Variants in LRP1B observed in about 807,000 individuals in gnomAD.
LRP1B encodes the protein low-density lipoprotein receptor-related protein 1B.
A neutral mutation model predicts 556.6 loss-of-function variants in LRP1B; 217 were observed. The observed-to-expected ratio is 0.39, with a 90% CI of 0.35 to 0.44. LRP1B has a LOEUF of 0.44. Ranked by LOEUF, LRP1B falls within the 20% of genes least tolerant of loss-of-function variation. LRP1B has a pLI of 1.00. For missense variants in LRP1B, 5,053 were observed against 5,620.8 expected, an observed-to-expected ratio of 0.90 and a Z score of 3.23; for synonymous variants, 2,047 against 1,865.8, an observed-to-expected ratio of 1.10 and a Z score of -2.50.
At chr2:141,524,772 A>G (rs62167936) in intron 2 of LRP1B, among the ~76,000 whole-genome samples, 6,557 of 152,030 alleles carry the variant, frequency 0.043, 203 homozygotes, top group Non-Finnish European at 0.066. Context: ...AGAAAGAGAG[A>G]GAGAGACAGA....
chr2:140,340,375 CTGG>C (rs531510842), intron 77 of LRP1B, among the ~76,000 whole-genome samples: 286 of 151,636 alleles, frequency 1.9e-3, no homozygotes, highest in African/African-American at 6.8e-3. Context: ...ATTATCCATT[CTGG>C]GTAAGTGTGC....
intron 31 of LRP1B, among the ~76,000 whole-genome samples, chr2:140,835,700 G>A (rs1691876511): frequency 6.6e-6 from 1 of 152,010 alleles, no homozygotes; most frequent in African/African-American, 2.4e-5. Context: ...ACCACGTCTG[G>A]CTAATGTTTT....
intron 2 of LRP1B, among the ~76,000 whole-genome samples, chr2:141,537,008 G>C (rs1396381864): frequency 6.7e-6 from 1 of 150,278 alleles, no homozygotes; most frequent in Non-Finnish European, 1.5e-5. Flanking sequence ...GAAAAGAATA[G>C]GAAAAAGGAA....
chr2:141,583,668 A>T (rs908005673), intron 2 of LRP1B, among the ~76,000 whole-genome samples: 1 of 151,722 alleles, frequency 6.6e-6, no homozygotes, highest in African/African-American at 2.4e-5. Context: ...AAACTATGAA[A>T]TGATATGTAT....
At chr2:142,067,309 G>A (rs547471389) in intron 1 of LRP1B, among the ~76,000 whole-genome samples, 71 of 151,232 alleles carry the variant, frequency 4.7e-4, no homozygotes, top group African/African-American at 1.5e-3. Context: ...ATCTTTGAGG[G>A]GCATTTATTC....
intron 2 of LRP1B, among the ~76,000 whole-genome samples, chr2:141,623,410 C>T (rs1004469709): frequency 6.6e-6 from 1 of 152,108 alleles, no homozygotes; most frequent in South Asian, 2.1e-4. Context: ...TTTGACCAAG[C>T]GGAATTCCAA....
At position 140,840,986 on chromosome 2, in the gene LRP1B, G is replaced by A. The variant is rs772279324; in HGVS notation, c.5046C>T (p.Gly1682=). The A allele has an allele frequency of 1.2e-6, 2 of 1,613,190 alleles. No homozygotes were observed. The highest frequency in any genetic ancestry group is 1.7e-6 in the Non-Finnish European group (2 of 1,179,540). The part of the protein sequence containing the change: ...ETQINVARLD[G]SLKTSIIHGI... ...CATGGATAATTGAGGTTTTCAAAGA[G>A]CCATCTAGCCTTGCCACATTAATTT... Residue 1682 remains glycine (G), a synonymous_variant, in exon 30 of 91, where the codon GGC becomes GGT. Transcript: ENST00000389484.
intron 66 of LRP1B, among the ~76,000 whole-genome samples, chr2:140,425,109 G>A (rs1410555489): frequency 2.0e-5 from 3 of 151,140 alleles, no homozygotes; most frequent in African/African-American, 7.3e-5. Context: ...TTATGAGATT[G>A]AAAAGCAGAC....
At chr2:141,243,799 A>C (rs1339148567) in intron 5 of LRP1B, among the ~76,000 whole-genome samples, 1 of 152,180 alleles carries the variant, frequency 6.6e-6, no homozygotes, top group Non-Finnish European at 1.5e-5. Flanking sequence ...AAGCGTAGAA[A>C]GGAGAAAATT....
intron 18 of LRP1B, among the ~76,000 whole-genome samples, chr2:140,968,342 G>A (rs1696297669): frequency 6.6e-6 from 1 of 151,768 alleles, no homozygotes; most frequent in South Asian, 2.1e-4. Context: ...TATTCTCTGA[G>A]GGTAGCTTGT....
intron 41 of LRP1B, among the ~76,000 whole-genome samples, chr2:140,608,897 ATCAAAG>A (rs1270650449): frequency 6.6e-6 from 1 of 152,180 alleles, no homozygotes; most frequent in Non-Finnish European, 1.5e-5. Context: ...AATATTCAAC[ATCAAAG>A]TTTCAGCCAG....
intron 43 of LRP1B, chr2:140,586,739 C>A (rs1207961727): frequency 6.6e-6 from 1 of 152,054 alleles, no homozygotes; most frequent in Admixed American, 6.6e-5. Flanking sequence ...CCCTCCTAGA[C>A]CGATGTCAGG....
In LRP1B at chr2:140,496,230, G is replaced by A. The variant is rs183535726; in HGVS notation, c.8851-482C>T. On this transcript the variant is annotated intron_variant, in intron 55 of 90. Transcript: ENST00000389484. ...TTAGGTTGGTACAAAAGTAATTGTG[G>A]CTTTTGCAATTACCTTTAATGGCAA... Among the ~76,000 whole-genome samples, 336 of 151,904 alleles carry A rather than the reference G, an allele frequency of 2.2e-3. 1 individual carries two copies. The highest frequency in any genetic ancestry group is 7.5e-3 in the African/African-American group (312 of 41,454).
chr2:141,945,753 A>G (rs904990222), intron 1 of LRP1B, among the ~76,000 whole-genome samples: 8 of 147,894 alleles, frequency 5.4e-5, no homozygotes, highest in East Asian at 2.0e-4. Flanking sequence ...ACAGAAATCA[A>G]TGCACTTCAT....
intron 71 of LRP1B, 115 bp downstream of exon 71, chr2:140,370,594 TA>T: frequency 7.4e-7 from 1 of 1,350,514 alleles, no homozygotes; most frequent in Non-Finnish European, 1.0e-6. Flanking sequence ...CTTGGAAGAG[TA>T]AAGAGAATTA....
In LRP1B at chr2:140,541,023, T is replaced by C. The variant is rs754792755; in HGVS notation, c.7463A>G (p.Asn2488Ser). Residue 2488 changes from asparagine to serine, a missense_variant, in exon 45 of 91, where the codon AAT (asparagine) becomes AGT (serine). Physicochemically the swap from Asn to Ser is conservative, Grantham distance 46 (BLOSUM62 1). Transcript: ENST00000389484. Reference protein sequence around the residue: ...LCLLTPNGRVNCSCRGDRILL... With the variant: ...LCLLTPNGRVSCSCRGDRILL... The stretch of plus-strand genomic sequence containing the variant: ...TATTCGGTCCCCTCTGCAGGAACAA[T>C]TCACTCTCCCATTGGGAGTTAAAAG... 1.9e-6 allele frequency: 3 copies of C among 1,611,722 alleles called. No homozygotes were observed. The highest frequency in any genetic ancestry group is 1.7e-6 in the Non-Finnish European group (2 of 1,178,504).
At chr2:141,920,384 A>C (rs773755991) in intron 1 of LRP1B, among the ~76,000 whole-genome samples, 26 of 151,954 alleles carry the variant, frequency 1.7e-4, no homozygotes, top group Non-Finnish European at 3.2e-4. Flanking sequence ...AAAGGAAACA[A>C]TCTTGGAATT....
chr2:140,467,102 G>A (rs144863648), intron 60 of LRP1B, among the ~76,000 whole-genome samples: 2,335 of 152,018 alleles, frequency 0.015, 59 homozygotes, highest in African/African-American at 0.051. Context: ...TTGTTAATAG[G>A]CAATCCATTC....
chr2:141,551,733 G>A (rs565469113), intron 2 of LRP1B, among the ~76,000 whole-genome samples: 3 of 152,082 alleles, frequency 2.0e-5, no homozygotes, highest in African/African-American at 2.4e-5. Flanking sequence ...TTGGCCCTAT[G>A]AAAAATACTA....
Sources: allele counts gnomAD v4.1 joint callset (sites outside exome capture counted in the v4.1 genomes callset), GRCh38; gene constraint gnomAD v4.1.1; transcripts MANE v1.5; gene names NCBI Gene and HGNC (gene_info 2026-07-23, HGNC 2026-07-21).